The following ZNF562 variants were observed in gnomAD, a reference collection of about 807,000 sequenced individuals.
The protein encoded by ZNF562 is zinc finger protein 562.
In ZNF562, 13 loss-of-function variants were observed where a neutral mutation model predicts 17.5. The ratio of observed to expected loss-of-function variants is 0.74; its 90% CI spans 0.48 to 1.18. The LOEUF (loss-of-function observed/expected upper bound fraction) is 1.18. ZNF562 is among the 50% of genes most tolerant of loss of function. The pLI is 0.00. For missense variants in ZNF562, 481 were observed against 498.5 expected, an observed-to-expected ratio of 0.96 and a Z score of 0.33; for synonymous variants, 163 against 165.4, an observed-to-expected ratio of 0.99 and a Z score of 0.11.
chr19:9,673,421 T>C (rs1298051782), intron 1 of ZNF562, among the ~76,000 whole-genome samples: 5 of 152,118 alleles, frequency 3.3e-5, no homozygotes, highest in Non-Finnish European at 5.9e-5. Context: ...TTTTTTTATC[T>C]CCAACAGCTG....
At chr19:9,671,602 C>T (rs1202039679) in intron 1 of ZNF562, among the ~76,000 whole-genome samples, 1 of 152,210 alleles carries the variant, frequency 6.6e-6, no homozygotes, top group African/African-American at 2.4e-5. Context: ...TGTAAGGATT[C>T]TAGTTTCAAC....
rs1162035836 is a variant in ZNF562, at chr19:9,652,325, T to C, written c.*624A>G. On this transcript the variant is annotated 3_prime_UTR_variant, in exon 6 of 6. Coordinates refer to ENST00000453372, the MANE Select transcript of ZNF562 (RefSeq NM_001130031.2). ...GTTATGGATGGTTTCACTCCTGACA[T>C]GCTCTGCAGGATCCATGGGAACAGA... 6.6e-6 allele frequency: 1 copy of C among 152,226 alleles called. No homozygotes were observed. The highest frequency in any genetic ancestry group is 2.4e-5 in the African/African-American group (1 of 41,462). The allele number at this position is 152,226 out of a possible 1,614,324, so 9.4% of individuals were successfully genotyped here. A position where few individuals can be genotyped will look rare whatever the true frequency, so the allele number is the denominator to read the frequency against.
chr19:9,671,882 T>C (rs1304298870), intron 1 of ZNF562, among the ~76,000 whole-genome samples: 5 of 152,212 alleles, frequency 3.3e-5, no homozygotes, highest in Non-Finnish European at 7.3e-5. Flanking sequence ...CAACTAGTCA[T>C]GGGACATGAA....
chr19:9,668,639 G>T (rs959425405), intron 1 of ZNF562, among the ~76,000 whole-genome samples: 1 of 151,820 alleles, frequency 6.6e-6, no homozygotes, highest in African/African-American at 2.4e-5. Context: ...AACAATAAAA[G>T]ACTTCAAACA....
chr19:9,672,558 G>A (rs913730826), intron 1 of ZNF562, among the ~76,000 whole-genome samples: 7 of 151,930 alleles, frequency 4.6e-5, no homozygotes, highest in African/African-American at 1.7e-4. Flanking sequence ...ACTACACTTA[G>A]TCCAAACATG....
chr19:9,643,600 T>C lies in ZNF562; in HGVS notation c.*9349A>G, dbSNP rs866543916. The stretch of plus-strand genomic sequence containing the variant: ...TTTTTCCTTCTTTTTTTTTTTTTTT[T>C]AAATGGAGTCTTGCTCTGTTGCCCA... On this transcript the variant is annotated 3_prime_UTR_variant, in exon 6 of 6. Transcript: ENST00000453372. The C allele has an allele frequency of 8.6e-5, 13 of 150,990 alleles. No individual in the cohort carries two copies. The highest frequency in any genetic ancestry group is 3.1e-4 in the African/African-American group (13 of 41,282). The allele number at this position is 150,990 out of a possible 1,614,324, so 9.4% of individuals were successfully genotyped here. A position where few individuals can be genotyped will look rare whatever the true frequency, so the allele number is the denominator to read the frequency against.
At chr19:9,665,003 C>A (rs2043895918) in intron 1 of ZNF562, among the ~76,000 whole-genome samples, 1 of 152,156 alleles carries the variant, frequency 6.6e-6, no homozygotes, top group Non-Finnish European at 1.5e-5. Flanking sequence ...AGGTGGCTCA[C>A]CTGAGGTCAG....
chr19:9,649,796 T>C lies in ZNF562; in HGVS notation c.*3153A>G, dbSNP rs1008391254. 2 of 152,334 alleles carry C rather than the reference T, an allele frequency of 1.3e-5. No individual in the cohort carries two copies. The highest frequency in any genetic ancestry group is 2.1e-4 in the South Asian group (1 of 4,828). 9.4% of individuals were successfully genotyped at this position (152,334 alleles called of 1,614,324 possible). A position where few individuals can be genotyped will look rare whatever the true frequency, so the allele number is the denominator to read the frequency against. On this transcript the variant is annotated 3_prime_UTR_variant, in exon 6 of 6. Transcript: ENST00000453372. ...TGCCTCCACTTGCCTTGTGATATTC[T>C]ATTACCTTGTAAAGTACTTGATGTC... is the stretch of plus-strand genomic sequence containing the variant.
At chr19:9,670,132 A>G (rs992495950) in intron 1 of ZNF562, among the ~76,000 whole-genome samples, 1 of 151,998 alleles carries the variant, frequency 6.6e-6, no homozygotes, top group Non-Finnish European at 1.5e-5. Context: ...CTGGCTACTC[A>G]GGAAGCTGAG....
At position 9,651,269 on chromosome 19, in the gene ZNF562, A is replaced by G. The variant is rs567729640; in HGVS notation, c.*1680T>C. On this transcript the variant is annotated 3_prime_UTR_variant, in exon 6 of 6. Transcript: ENST00000453372. Reference sequence around the variant, plus strand: ...TGAGGAACATGCTATTGGGAAATGAAGAAAAGACAACCCTTGATATAAAGT... The same window carrying G: ...TGAGGAACATGCTATTGGGAAATGAGGAAAAGACAACCCTTGATATAAAGT... The G allele has an allele frequency of 6.6e-6, 1 of 152,226 alleles. No individual in the cohort carries two copies. The highest frequency in any genetic ancestry group is 2.4e-5 in the African/African-American group (1 of 41,448). 9.4% of individuals were successfully genotyped at this position (152,226 alleles called of 1,614,324 possible).
rs1264262733 is a variant in ZNF562, at chr19:9,643,840, T to C, written c.*9109A>G. ...GCGCATTTTTTTGTTTGTTTGTTTT[T>C]TGAGACAGTCTTACTCTGTATCCCA... On this transcript the variant is annotated 3_prime_UTR_variant, in exon 6 of 6. Transcript: ENST00000453372. The C allele has an allele frequency of 6.6e-6, 1 of 152,116 alleles. No individual in the cohort carries two copies. Among genetic ancestry groups the C allele is most frequent in the East Asian group, 1.9e-4 (1 of 5,190 alleles). The allele number at this position is 152,116 out of a possible 1,614,324, so 9.4% of individuals were successfully genotyped here. A position where few individuals can be genotyped will look rare whatever the true frequency, so the allele number is the denominator to read the frequency against.
chr19:9,658,009 C>T lies in ZNF562; in HGVS notation c.241G>A (p.Asp81Asn). Residue 81 changes from aspartate (D) to asparagine (N), a missense_variant and splice_region_variant, in exon 4 of 6, where the codon GAT becomes AAT. This residue lies in a region of ZNF562 where 403 missense variants were observed against 386.4 expected (regional missense o/e 1.04). Coordinates refer to ENST00000453372, the MANE Select transcript of ZNF562 (RefSeq NM_001130031.2). ...CCAAGCAAAGTGATGTTACTCTTAC[C>T]CACAGAGGCCAGGTTCATGTAGTTC... ...LENYMNLASV[D>N]FFFCLTSEWE... is the part of the protein sequence containing the mutation. The T allele has an allele frequency of 6.2e-7, 1 of 1,608,490 alleles. No homozygotes were observed. The highest frequency in any genetic ancestry group is 8.5e-7 in the Non-Finnish European group (1 of 1,176,896).
intron 5 of ZNF562, among the ~76,000 whole-genome samples, chr19:9,655,904 G>GT (rs1032401360): frequency 6.6e-6 from 1 of 151,108 alleles, no homozygotes; most frequent in Admixed American, 6.6e-5. Flanking sequence ...AGCTAATTTT[G>GT]TATTTTTAGT....
chr19:9,667,413 C>G (rs2043991458), intron 1 of ZNF562, among the ~76,000 whole-genome samples: 1 of 152,126 alleles, frequency 6.6e-6, no homozygotes, highest in African/African-American at 2.4e-5. Context: ...CAACATCATA[C>G]TGAACAGGGA....
chr19:9,669,751 CACACACACACACACACACACACACAA>C, intron 1 of ZNF562, among the ~76,000 whole-genome samples: 1 of 149,882 alleles, frequency 6.7e-6, no homozygotes, highest in African/African-American at 2.4e-5. Flanking sequence ...CACACACACA[CACACACACACACACACACACACACAA>C]CCAGTCAGGG....
At chr19:9,665,907 A>G (rs1014982152) in intron 1 of ZNF562, among the ~76,000 whole-genome samples, 6 of 151,716 alleles carry the variant, frequency 4.0e-5, no homozygotes, top group Non-Finnish European at 7.4e-5. Flanking sequence ...TACTTAGGAG[A>G]CTGAGGTGGG....
chr19:9,670,766 A>G (rs1188730875), intron 1 of ZNF562, among the ~76,000 whole-genome samples: 5 of 152,134 alleles, frequency 3.3e-5, no homozygotes, highest in Non-Finnish European at 7.4e-5. Flanking sequence ...AGGCGGGCAG[A>G]TCACCCTGAT....
At chr19:9,659,340 A>C (rs778183389) in intron 3 of ZNF562, 39 bp downstream of exon 3, 2 of 1,507,498 alleles carry the variant, frequency 1.3e-6, no homozygotes, top group East Asian at 4.9e-5. Context: ...TATTGGATGT[A>C]AGTATGTCAT....
intron 1 of ZNF562, among the ~76,000 whole-genome samples, chr19:9,672,297 A>T (rs10404643): frequency 0.16 from 24,036 of 152,134 alleles, 2,150 homozygotes; most frequent in Admixed American, 0.24. Context: ...TATTATTTTT[A>T]ATTTAAGTGA....
Sources: allele counts gnomAD v4.1 joint callset (sites outside exome capture counted in the v4.1 genomes callset), GRCh38; gene constraint gnomAD v4.1.1; regional missense constraint gnomAD v4.1.1; transcripts MANE v1.5; gene names NCBI Gene and HGNC (gene_info 2026-07-23, HGNC 2026-07-21).